TDRD5: variants seen among roughly 807,000 people sequenced by gnomAD.
TDRD5 encodes tudor domain-containing protein 5.
A neutral mutation model predicts 120.6 loss-of-function variants in TDRD5; 41 were observed. The ratio of observed to expected loss-of-function variants is 0.34; its 90% CI spans 0.26 to 0.44. The LOEUF (loss-of-function observed/expected upper bound fraction) is 0.44. Among genes scored for constraint, TDRD5 ranks in the 20% least tolerant of loss-of-function variants. The pLI is 1.00. For missense variants in TDRD5, 1,006 were observed against 1,221.2 expected (o/e 0.82, Z 2.63); for synonymous variants, 430 against 433.7 (o/e 0.99, Z 0.11).
At chr1:179,606,170 A>G (rs529821699) in intron 4 of TDRD5, among the ~76,000 whole-genome samples, 148 of 129,248 alleles carry the variant, frequency 1.1e-3, no homozygotes, top group Non-Finnish European at 4.6e-4. Flanking sequence ...TGCTGTTTTA[A>G]TTTGAAATCC....
intron 4 of TDRD5, among the ~76,000 whole-genome samples, chr1:179,602,148 C>T (rs755089241): frequency 1.4e-4 from 21 of 152,186 alleles, no homozygotes; most frequent in Non-Finnish European, 2.6e-4. Context: ...TTTTCCTTAG[C>T]AGCTATACTA....
At chr1:179,630,717 A>G (rs952983183) in intron 6 of TDRD5, 50 bp from the exon 7 acceptor site, 4 of 1,576,854 alleles carry the variant, frequency 2.5e-6, no homozygotes, top group Non-Finnish European at 3.5e-6. Flanking sequence ...TATATGTTAT[A>G]TATCTGTTAT....
At chr1:179,643,805 C>G (rs534104686) in intron 11 of TDRD5, among the ~76,000 whole-genome samples, 9 of 152,140 alleles carry the variant, frequency 5.9e-5, no homozygotes, top group Admixed American at 5.9e-4. Context: ...AAAATTTCCA[C>G]AGTGTGGTGA....
At chr1:179,615,264 A>G (rs1212942353) in intron 4 of TDRD5, among the ~76,000 whole-genome samples, 2 of 152,196 alleles carry the variant, frequency 1.3e-5, no homozygotes, top group African/African-American at 4.8e-5. Context: ...TGTACAGCAC[A>G]TAGTATGATC....
chr1:179,641,407 G>A (rs1678041794), intron 11 of TDRD5, among the ~76,000 whole-genome samples: 1 of 152,070 alleles, frequency 6.6e-6, no homozygotes, highest in African/African-American at 2.4e-5. Flanking sequence ...GTGGGCGCCT[G>A]TAATCTTAGC....
intron 14 of TDRD5, among the ~76,000 whole-genome samples, chr1:179,655,378 C>T (rs1044338630): frequency 3.3e-5 from 5 of 152,152 alleles, no homozygotes; most frequent in African/African-American, 9.7e-5. Flanking sequence ...CACGGCTTGG[C>T]CAAGTATTAT....
At chr1:179,686,239 G>T (rs1680705919) in intron 17 of TDRD5, among the ~76,000 whole-genome samples, 1 of 149,608 alleles carries the variant, frequency 6.7e-6, no homozygotes, top group African/African-American at 2.4e-5. Flanking sequence ...TTTATTGAGA[G>T]TTTTTAGCAT....
intron 4 of TDRD5, among the ~76,000 whole-genome samples, chr1:179,606,089 T>C (rs1675966343): frequency 6.6e-6 from 1 of 152,038 alleles, no homozygotes; most frequent in South Asian, 2.1e-4. Flanking sequence ...TGTTCCCCAT[T>C]GCTGGTCAGC....
chr1:179,610,104 G>T (rs1676204661), intron 4 of TDRD5, among the ~76,000 whole-genome samples: 1 of 152,046 alleles, frequency 6.6e-6, no homozygotes, highest in African/African-American at 2.4e-5. Flanking sequence ...CTAAATTGTT[G>T]TTTCATACAT....
intron 4 of TDRD5, among the ~76,000 whole-genome samples, chr1:179,615,347 C>G (rs1380499012): frequency 2.6e-5 from 4 of 152,090 alleles, no homozygotes; most frequent in Non-Finnish European, 5.9e-5. Context: ...ATAACTGTCT[C>G]TGTTAACGTG....
At chr1:179,625,575 T>C (rs1677078039) in intron 6 of TDRD5, among the ~76,000 whole-genome samples, 1 of 152,218 alleles carries the variant, frequency 6.6e-6, no homozygotes, top group Non-Finnish European at 1.5e-5. Context: ...AAGTATAAAA[T>C]GGTACAACTA....
intron 4 of TDRD5, among the ~76,000 whole-genome samples, chr1:179,596,102 A>C (rs979272683): frequency 1.1e-4 from 17 of 152,202 alleles, no homozygotes; most frequent in Non-Finnish European, 7.4e-5. Context: ...AAGTTACAGA[A>C]GCATATTTGC....
chr1:179,682,504 G>A (rs1399720760), intron 17 of TDRD5, among the ~76,000 whole-genome samples: 1 of 152,018 alleles, frequency 6.6e-6, no homozygotes, highest in Non-Finnish European at 1.5e-5. Flanking sequence ...TTGGCTTTCT[G>A]TTCCTGTGTT....
In TDRD5 at chr1:179,635,798, G is replaced by A; in HGVS notation, c.1431G>A (p.Val477=). 1 of 1,613,980 alleles carries A rather than the reference G, an allele frequency of 6.2e-7. No homozygotes were observed. The highest frequency in any genetic ancestry group is 8.5e-7 in the Non-Finnish European group (1 of 1,179,996). ...CCAGTTCCCTCATAGGGGTCTTTGT[G>A]GAGTATATCATCTCTCCTAGTCAAT... ...LDTSSLIGVF[V]EYIISPSQFY... Residue 477 remains valine (V), a synonymous_variant, in exon 9 of 18, where the codon GTG becomes GTA. Coordinates refer to ENST00000444136, the MANE Select transcript of TDRD5 (RefSeq NM_001199085.3).
At chr1:179,660,329 C>T (rs1164413127) in intron 14 of TDRD5, among the ~76,000 whole-genome samples, 9 of 146,524 alleles carry the variant, frequency 6.1e-5, no homozygotes, top group African/African-American at 2.3e-4. Flanking sequence ...ACGCCATTCT[C>T]CTGCCTCAGC....
At chr1:179,642,406 TCTTC>T (rs2102032712) in intron 11 of TDRD5, among the ~76,000 whole-genome samples, 1 of 152,282 alleles carries the variant, frequency 6.6e-6, no homozygotes, top group East Asian at 1.9e-4. Context: ...AGCCCTCCTT[TCTTC>T]CTTTCTAAAC....
chr1:179,606,533 T>C (rs1482575347), intron 4 of TDRD5, among the ~76,000 whole-genome samples: 1 of 152,116 alleles, frequency 6.6e-6, no homozygotes, highest in Non-Finnish European at 1.5e-5. Flanking sequence ...GCTAGTGTTA[T>C]CTTATGTTAT....
In TDRD5 at chr1:179,640,037, C is replaced by T; in HGVS notation, c.1719C>T (p.Ser573=). ...FGNIGIVQKS[S]LRFLKCCYTK... is the part of the protein sequence containing the mutation. ...ATATTGGAATTGTTCAGAAGTCCTC[C>T]CTGAGGTTCCTCAAGTGAGTTGAAT... The change falls in exon 10 of 18, where the codon TCC becomes TCT. Residue 573 remains serine, a synonymous_variant. Coordinates refer to ENST00000444136, the MANE Select transcript of TDRD5 (RefSeq NM_001199085.3). 1 of 1,613,996 alleles carries T rather than the reference C, an allele frequency of 6.2e-7. No homozygotes were observed. The highest frequency in any genetic ancestry group is 8.5e-7 in the Non-Finnish European group (1 of 1,179,962).
chr1:179,681,882 A>G (rs1026462585), intron 17 of TDRD5, among the ~76,000 whole-genome samples: 17 of 135,470 alleles, frequency 1.3e-4, no homozygotes, highest in Admixed American at 3.8e-4. Flanking sequence ...TTCTACTACT[A>G]TGTCTCCAAG....
Sources: gnomAD v4.1 joint callset for allele counts (sites outside exome capture counted in the v4.1 genomes callset) on GRCh38, gnomAD v4.1.1 for gene constraint, MANE v1.5 for transcripts, NCBI Gene and HGNC (gene_info 2026-07-23, HGNC 2026-07-21) for gene names.